Variants in NLGN1 observed in about 807,000 individuals in gnomAD.
NLGN1 encodes neuroligin 1.
In NLGN1, 12 loss-of-function variants were observed where a neutral mutation model predicts 65.5. The observed-to-expected ratio is 0.18, with a 90% CI of 0.12 to 0.30. NLGN1 has a LOEUF of 0.30. Ranked by LOEUF, NLGN1 falls within the 10% of genes least tolerant of loss-of-function variation. The probability of loss-of-function intolerance (pLI) is 1.00; values close to 1 mark genes in which losing one functional copy is unlikely to be tolerated. For missense variants in NLGN1, 750 were observed against 1,007.1 expected, an observed-to-expected ratio of 0.74 and a Z score of 3.46; for synonymous variants, 350 against 359.5, an observed-to-expected ratio of 0.97 and a Z score of 0.30.
intron 2 of NLGN1, among the ~76,000 whole-genome samples, chr3:173,478,070 C>T (rs369289435): frequency 1.8e-3 from 272 of 151,910 alleles, no homozygotes; most frequent in African/African-American, 6.5e-3. Context: ...CCCAAAGGAA[C>T]ATAAATCATT....
At chr3:173,667,535 C>T (rs1271734182) in intron 3 of NLGN1, among the ~76,000 whole-genome samples, 1 of 152,110 alleles carries the variant, frequency 6.6e-6, no homozygotes, top group Non-Finnish European at 1.5e-5. Context: ...AAATTGCAGA[C>T]TTTAATTGAA....
At chr3:173,866,981 C>A (rs187884850) in intron 4 of NLGN1, among the ~76,000 whole-genome samples, 1 of 152,248 alleles carries the variant, frequency 6.6e-6, no homozygotes. Context: ...AAGTCTGAAT[C>A]TGTATCTTTG....
intron 2 of NLGN1, among the ~76,000 whole-genome samples, chr3:173,499,647 G>A (rs1012142159): frequency 3.6e-4 from 55 of 151,928 alleles, no homozygotes; most frequent in African/African-American, 1.3e-3. Context: ...ACCTCGGGCA[G>A]TGTGGCCATT....
intron 4 of NLGN1, among the ~76,000 whole-genome samples, chr3:174,075,786 A>G (rs967993976): frequency 2.0e-5 from 3 of 152,242 alleles, no homozygotes; most frequent in African/African-American, 7.2e-5. Context: ...ATTCTTGAGC[A>G]TGCCAGTATT....
chr3:173,764,830 A>G (rs942906399), intron 3 of NLGN1, among the ~76,000 whole-genome samples: 4 of 152,154 alleles, frequency 2.6e-5, no homozygotes, highest in African/African-American at 7.2e-5. Flanking sequence ...TCATATTAGT[A>G]TCATTTTTCT....
At chr3:173,567,753 T>G (rs1025758537) in intron 2 of NLGN1, among the ~76,000 whole-genome samples, 5 of 152,044 alleles carry the variant, frequency 3.3e-5, no homozygotes, top group Non-Finnish European at 7.4e-5. Context: ...AGGTTTTCCT[T>G]CTCTGGGATT....
At chr3:173,620,457 A>G (rs965812665) in intron 3 of NLGN1, among the ~76,000 whole-genome samples, 1 of 152,026 alleles carries the variant, frequency 6.6e-6, no homozygotes, top group Non-Finnish European at 1.5e-5. Context: ...TGGTTTCTTC[A>G]CTGGAACTCA....
chr3:173,429,203 C>T (rs2148732425), intron 1 of NLGN1, among the ~76,000 whole-genome samples: 1 of 151,710 alleles, frequency 6.6e-6, no homozygotes, highest in African/African-American at 2.4e-5. Context: ...TTTTTTCTGT[C>T]CTCTGACTGT....
intron 2 of NLGN1, among the ~76,000 whole-genome samples, chr3:173,549,156 G>GA (rs1222666302): frequency 6.6e-6 from 1 of 151,722 alleles, no homozygotes; most frequent in Admixed American, 6.6e-5. Context: ...GAAATAGTTT[G>GA]TAACTATTCC....
chr3:174,124,789 T>C (rs372762125), intron 4 of NLGN1, among the ~76,000 whole-genome samples: 66 of 151,798 alleles, frequency 4.3e-4, no homozygotes, highest in African/African-American at 1.4e-3. Flanking sequence ...ATGAGCTAAA[T>C]GCTGGGATGA....
At chr3:173,990,337 A>G (rs541544585) in intron 4 of NLGN1, among the ~76,000 whole-genome samples, 3 of 152,232 alleles carry the variant, frequency 2.0e-5, no homozygotes, top group South Asian at 4.1e-4. Flanking sequence ...TTTGTTGACT[A>G]TTTTCTTTAT....
At chr3:174,104,472 G>A (rs1713269879) in intron 4 of NLGN1, among the ~76,000 whole-genome samples, 2 of 152,090 alleles carry the variant, frequency 1.3e-5, no homozygotes, top group East Asian at 1.9e-4. Flanking sequence ...AACACACTGG[G>A]GATTCAAAGA....
At chr3:173,623,230 A>G (rs1038125919) in intron 3 of NLGN1, among the ~76,000 whole-genome samples, 4 of 152,152 alleles carry the variant, frequency 2.6e-5, no homozygotes, top group African/African-American at 9.6e-5. Flanking sequence ...CAAGTCAACA[A>G]TACTAGTTGG....
exon 5 of NLGN1, chr3:174,275,324 G>A (rs1377422230): frequency 6.2e-7 from 1 of 1,611,464 alleles, no homozygotes; most frequent in Admixed American, 1.7e-5. Flanking sequence ...GGTTTCTTGA[G>A]TACAGGCGAT....
intron 4 of NLGN1, among the ~76,000 whole-genome samples, chr3:173,809,139 G>A (rs1173409059): frequency 6.6e-6 from 1 of 152,078 alleles, no homozygotes; most frequent in African/African-American, 2.4e-5. Flanking sequence ...AGCACTGATC[G>A]AATACACATG....
At chr3:173,892,575 TAA>T (rs58100019) in intron 4 of NLGN1, among the ~76,000 whole-genome samples, 8 of 130,958 alleles carry the variant, frequency 6.1e-5, no homozygotes, top group Non-Finnish European at 3.4e-5. Context: ...GAAGGCAAAC[TAA>T]AAAAAAAAAA....
intron 3 of NLGN1, 107 bp downstream of exon 2, chr3:173,605,198 G>C: frequency 1.1e-6 from 1 of 913,224 alleles, no homozygotes; most frequent in Non-Finnish European, 1.6e-6. Flanking sequence ...GGCTTTTCCT[G>C]TTGGCATGTA....
chr3:173,733,323 G>T (rs145118010), intron 3 of NLGN1, among the ~76,000 whole-genome samples: 34 of 152,094 alleles, frequency 2.2e-4, no homozygotes, highest in African/African-American at 8.2e-4. Flanking sequence ...TATTTTATAG[G>T]GGTAATTACA....
At chr3:173,462,689 T>A (rs1258647004) in intron 2 of NLGN1, among the ~76,000 whole-genome samples, 1 of 152,174 alleles carries the variant, frequency 6.6e-6, no homozygotes, top group Non-Finnish European at 1.5e-5. Context: ...CAATCTTCTA[T>A]TGCTGTCTCT....
Sources: gnomAD v4.1 joint callset for allele counts (sites outside exome capture counted in the v4.1 genomes callset) on GRCh38, gnomAD v4.1.1 for gene constraint, MANE v1.5 for transcripts, NCBI Gene and HGNC (gene_info 2026-07-23, HGNC 2026-07-21) for gene names.